The following PLPPR1 variants were observed in gnomAD, a reference collection of about 807,000 sequenced individuals.
PLPPR1 encodes the protein phospholipid phosphatase-related protein type 1.
PLPPR1 carries 10 observed loss-of-function variants against 33.1 expected under a neutral mutation model. The ratio of observed to expected loss-of-function variants is 0.30; its 90% CI spans 0.19 to 0.51. PLPPR1 has a LOEUF of 0.51. Among genes scored for constraint, PLPPR1 ranks in the 20% least tolerant of loss-of-function variants. The probability of loss-of-function intolerance (pLI) is 0.97; values close to 1 mark genes in which losing one functional copy is unlikely to be tolerated. For synonymous variants in PLPPR1, 151 were observed against 151.0 expected (o/e 1.00, Z 0.00); for missense variants, 304 against 408.1 (o/e 0.74, Z 2.20).
intron 1 of PLPPR1, among the ~76,000 whole-genome samples, chr9:101,049,631 G>C (rs1830194582): frequency 2.0e-5 from 3 of 152,154 alleles, no homozygotes; most frequent in Non-Finnish European, 4.4e-5. Context: ...CAAATGCTTA[G>C]GGGTAGAACT....
chr9:101,171,245 GA>G (rs1825937494), intron 1 of PLPPR1, among the ~76,000 whole-genome samples: 1 of 152,122 alleles, frequency 6.6e-6, no homozygotes, highest in South Asian at 2.1e-4. Context: ...TAAGCCATAG[GA>G]ACAAAGCTGA....
At chr9:101,149,325 A>G (rs971354491) in intron 1 of PLPPR1, among the ~76,000 whole-genome samples, 1 of 152,204 alleles carries the variant, frequency 6.6e-6, no homozygotes, top group African/African-American at 2.4e-5. Context: ...AAATTCCTCA[A>G]GAGTTCAGTC....
intron 1 of PLPPR1, among the ~76,000 whole-genome samples, chr9:101,049,050 G>C (rs1830188184): frequency 6.6e-6 from 1 of 152,194 alleles, no homozygotes; most frequent in African/African-American, 2.4e-5. Context: ...GCAGCTATCA[G>C]ATCAGTAAAC....
intron 4 of PLPPR1, among the ~76,000 whole-genome samples, chr9:101,296,900 A>T (rs912877774): frequency 2.6e-5 from 4 of 152,140 alleles, no homozygotes; most frequent in Non-Finnish European, 5.9e-5. Flanking sequence ...TACATATGTA[A>T]CTAACCTGCA....
intron 1 of PLPPR1, among the ~76,000 whole-genome samples, chr9:101,096,154 A>G (rs1273264042): frequency 2.0e-5 from 3 of 152,196 alleles, no homozygotes; most frequent in African/African-American, 7.2e-5. Context: ...GCTACCCTGA[A>G]GATCACAAAA....
chr9:101,144,181 C>A (rs1324372372), intron 1 of PLPPR1, among the ~76,000 whole-genome samples: 2 of 152,096 alleles, frequency 1.3e-5, no homozygotes, highest in Middle Eastern at 6.4e-3. Context: ...AAACCAAACA[C>A]CGCATGTTCT....
At chr9:101,143,490 C>A (rs971254169) in intron 1 of PLPPR1, among the ~76,000 whole-genome samples, 1 of 151,792 alleles carries the variant, frequency 6.6e-6, no homozygotes, top group Non-Finnish European at 1.5e-5. Flanking sequence ...AGTGAACAGG[C>A]AACCTACAGA....
chr9:101,100,897 G>A (rs559494046), intron 1 of PLPPR1, among the ~76,000 whole-genome samples: 44 of 152,118 alleles, frequency 2.9e-4, no homozygotes, highest in Non-Finnish European at 5.4e-4. Context: ...TTCACCCACA[G>A]TAACATAGCT....
intron 2 of PLPPR1, among the ~76,000 whole-genome samples, chr9:101,219,227 T>C (rs185852406): frequency 1.9e-4 from 29 of 152,324 alleles, no homozygotes; most frequent in Admixed American, 1.8e-3. Context: ...ACCATGTAGA[T>C]AGATGGTCCG....
rs71498762 is a variant in PLPPR1, at chr9:101,196,864, C to CAAA, written c.63+11320_63+11322dup. Among the ~76,000 whole-genome samples the CAAA allele has an allele frequency of 3.7e-3, 464 of 125,972 alleles. 1 individual carries two copies. Among genetic ancestry groups the CAAA allele is most frequent in the African/African-American group, 0.013 (424 of 33,530 alleles). 82.6% of individuals were successfully genotyped at this position (125,972 alleles called of 152,430 possible). A position where few individuals can be genotyped will look rare whatever the true frequency, so the allele number is the denominator to read the frequency against. ...TGGGCGACAGAGCAAGACTCTGTCT[C>CAAA]AAAAAAAAAAAAAAATTGTTAAAGA... On this transcript the variant is annotated intron_variant, in intron 2 of 7. Coordinates refer to ENST00000374874, the MANE Select transcript of PLPPR1 (RefSeq NM_207299.2).
At chr9:101,255,541 TATTGAAG>T (rs386736831) in intron 2 of PLPPR1, among the ~76,000 whole-genome samples, 19 of 152,350 alleles carry the variant, frequency 1.2e-4, no homozygotes, top group Middle Eastern at 3.4e-3. Context: ...TTGTTAACTT[TATTGAAG>T]AGTTAGTTTA....
chr9:101,073,239 G>A (rs1336281783), intron 1 of PLPPR1, among the ~76,000 whole-genome samples: 1 of 152,090 alleles, frequency 6.6e-6, no homozygotes, highest in Non-Finnish European at 1.5e-5. Context: ...ACCAATACAG[G>A]ATTCTGGGTT....
intron 2 of PLPPR1, among the ~76,000 whole-genome samples, chr9:101,186,380 A>T (rs1403075801): frequency 6.6e-6 from 1 of 151,784 alleles, no homozygotes; most frequent in African/African-American, 2.4e-5. Flanking sequence ...TAAAGAGCTG[A>T]AAAGTAAGTA....
rs905538270 is a variant in PLPPR1 at position 101,109,629 on chromosome 9, A to G, written c.-45-75821A>G. Among the ~76,000 whole-genome samples the G allele has an allele frequency of 2.0e-5, 3 of 152,214 alleles. No homozygotes were observed. In the South Asian group the frequency reaches 6.2e-4, roughly 31 times the overall value. On this transcript the variant is annotated intron_variant, in intron 1 of 7. Transcript: ENST00000374874. ...CTAGTATGTTTTTCAAAAGGTATACATAGTAGGTTCATGCACAAAGCACTT... is the reference window on the plus strand; with the variant it reads ...CTAGTATGTTTTTCAAAAGGTATACGTAGTAGGTTCATGCACAAAGCACTT...
chr9:101,288,090 G>A lies in PLPPR1; in HGVS notation c.385+1854G>A, dbSNP rs114398154. Among the ~76,000 whole-genome samples, 1,500 of 152,252 alleles carry A rather than the reference G, an allele frequency of 9.9e-3. 28 individuals carry two copies. Among genetic ancestry groups the A allele is most frequent in the African/African-American group, 0.035 (1,452 of 41,526 alleles). On this transcript the variant is annotated intron_variant, in intron 4 of 7. Transcript: ENST00000374874. The stretch of plus-strand genomic sequence containing the variant: ...CCACCCACTTGGAGCAGGGTCCAAG[G>A]AATAAAAATTTTGACTGGCACTTGT...
At chr9:101,046,386 A>AT (rs1830146260) in intron 1 of PLPPR1, among the ~76,000 whole-genome samples, 1 of 135,890 alleles carries the variant, frequency 7.4e-6, no homozygotes, top group African/African-American at 2.8e-5. Context: ...GCCAAGTTGC[A>AT]TTTTTCCTTC....
At chr9:101,039,421 A>G (rs748185050) in intron 1 of PLPPR1, among the ~76,000 whole-genome samples, 15 of 152,192 alleles carry the variant, frequency 9.9e-5, no homozygotes, top group Non-Finnish European at 1.9e-4. Flanking sequence ...TGTAGCTGCC[A>G]TTATCATTCA....
At chr9:101,270,262 CT>C (rs1313489752) in intron 3 of PLPPR1, among the ~76,000 whole-genome samples, 194 bp downstream of exon 3, 1 of 151,934 alleles carries the variant, frequency 6.6e-6, no homozygotes. Flanking sequence ...GTATGGGTGG[CT>C]TTTGTTTTTC....
chr9:101,039,210 G>T (rs1830046939), intron 1 of PLPPR1, among the ~76,000 whole-genome samples: 2 of 152,286 alleles, frequency 1.3e-5, no homozygotes, highest in Admixed American at 1.3e-4. Flanking sequence ...TTGGACTAGA[G>T]CGTCAGATGG....
Sources: allele counts gnomAD v4.1 joint callset (sites outside exome capture counted in the v4.1 genomes callset), GRCh38; gene constraint gnomAD v4.1.1; transcripts MANE v1.5; gene names NCBI Gene and HGNC (gene_info 2026-07-23, HGNC 2026-07-21).